RARRES1: variants seen among roughly 807,000 people sequenced by gnomAD.
The protein encoded by RARRES1 is retinoic acid receptor responder 1, also known as retinoic acid receptor responder protein 1.
Under a neutral mutation model 30.6 loss-of-function variants are expected in RARRES1, and 34 were observed. The observed-to-expected ratio is 1.11, with a 90% CI of 0.84 to 1.48. The LOEUF (loss-of-function observed/expected upper bound fraction) is 1.48, where lower values mean the gene tolerates loss of function less well. Ranked by LOEUF, RARRES1 falls within the 40% of genes most tolerant of loss-of-function variation. RARRES1 has a pLI of 0.00. For synonymous variants in RARRES1, 153 were observed against 155.5 expected (o/e 0.98, Z 0.12); for missense variants, 373 against 386.5 (o/e 0.97, Z 0.29).
intron 1 of RARRES1, 126 bp downstream of exon 1, chr3:158,732,014 C>T: frequency 1.0e-6 from 1 of 996,250 alleles, no homozygotes; most frequent in Non-Finnish European, 1.3e-6. Flanking sequence ...CCCCGGGCGT[C>T]GTGCGCACTG....
At position 158,732,220 on chromosome 3, in the gene RARRES1, CCG is replaced by C. The variant is rs1436048733; in HGVS notation, c.194_195del (p.Ala65GlyfsTer29). The C allele has an allele frequency of 7.1e-7, 1 of 1,405,530 alleles. No homozygotes were observed. The highest frequency in any genetic ancestry group is 9.2e-7 in the Non-Finnish European group (1 of 1,086,640). 87.1% of individuals were successfully genotyped at this position (1,405,530 alleles called of 1,614,324 possible). On this transcript the variant is annotated frameshift_variant, in exon 1 of 6. Coordinates refer to ENST00000237696, the MANE Select transcript of RARRES1 (RefSeq NM_206963.2). LOFTEE classifies it high-confidence loss of function. ...GACCGGAAGTTGAAGAAGTGAAGCG[CCG>C]CGCGCGCCGCCTGCTGCAGGAGCCT... is the stretch of plus-strand genomic sequence containing the variant. ...PRRLLQQAAR[A>X]ALHFFNFRSG...
At chr3:158,701,805 T>G (rs1726730923) in intron 4 of RARRES1, among the ~76,000 whole-genome samples, 1 of 152,208 alleles carries the variant, frequency 6.6e-6, no homozygotes, top group Non-Finnish European at 1.5e-5. Flanking sequence ...CGTGTCAGCC[T>G]TGAAACCAAA....
chr3:158,707,525 G>A (rs1726965523), intron 3 of RARRES1, among the ~76,000 whole-genome samples: 1 of 152,148 alleles, frequency 6.6e-6, no homozygotes, highest in Non-Finnish European at 1.5e-5. Flanking sequence ...AGGAGTCTTA[G>A]AATTAAAGAG....
chr3:158,722,025 A>G (rs552570295), intron 1 of RARRES1, among the ~76,000 whole-genome samples: 15 of 132,398 alleles, frequency 1.1e-4, no homozygotes, highest in Admixed American at 2.7e-4. Flanking sequence ...CAGGAGGTGG[A>G]GTTTGCGGGT....
In RARRES1 at chr3:158,703,261, C is replaced by T. The variant is rs914952819; in HGVS notation, c.672+1530G>A. Among the ~76,000 whole-genome samples, 10 of 152,116 alleles carry T rather than the reference C, an allele frequency of 6.6e-5. No homozygotes were observed. In the East Asian group the frequency reaches 1.5e-3, roughly 23 times the overall value. Reference sequence around the variant, plus strand: ...CTGCTTTCCCTCTATGTGAACTCTCCGTGTTTCTAATATCATCTGGATTAA... The same window carrying T: ...CTGCTTTCCCTCTATGTGAACTCTCTGTGTTTCTAATATCATCTGGATTAA... On this transcript the variant is annotated intron_variant, in intron 4 of 5. Transcript: ENST00000237696.
At chr3:158,714,547 C>T (rs1727256374) in intron 1 of RARRES1, among the ~76,000 whole-genome samples, 4 of 152,192 alleles carry the variant, frequency 2.6e-5, no homozygotes, top group South Asian at 4.1e-4. Flanking sequence ...ATGCTATGCT[C>T]TTTCTTTCGT....
In RARRES1 at chr3:158,732,195, G is replaced by C; in HGVS notation, c.221C>G (p.Ser74Cys). The C allele has an allele frequency of 1.4e-6, 2 of 1,422,728 alleles. No individual in the cohort carries two copies. Among genetic ancestry groups the C allele is most frequent in the East Asian group, 3.0e-5 (1 of 32,932 alleles). 88.1% of individuals were successfully genotyped at this position (1,422,728 alleles called of 1,614,324 possible). A position where few individuals can be genotyped will look rare whatever the true frequency, so the allele number is the denominator to read the frequency against. ...RAALHFFNFRSGSPSALRVLA... is the reference protein window; with the variant it reads ...RAALHFFNFRCGSPSALRVLA... Reference sequence around the variant, plus strand: ...CACTCGTAGCGCGCTGGGCGAGCCGGACCGGAAGTTGAAGAAGTGAAGCGC... The same window carrying C: ...CACTCGTAGCGCGCTGGGCGAGCCGCACCGGAAGTTGAAGAAGTGAAGCGC... Residue 74 changes from serine (S) to cysteine (C), a missense_variant, in exon 1 of 6, where the codon TCC becomes TGC. By Grantham distance (112) the Ser-to-Cys change is moderately radical (BLOSUM62 -1). Transcript: ENST00000237696.
At chr3:158,724,085 G>A (rs764838840) in intron 1 of RARRES1, among the ~76,000 whole-genome samples, 5 of 152,160 alleles carry the variant, frequency 3.3e-5, no homozygotes, top group Non-Finnish European at 7.3e-5. Flanking sequence ...GCCTATGGTC[G>A]AGTACTGAGC....
chr3:158,722,881 CAAAA>C (rs140630533), intron 1 of RARRES1, among the ~76,000 whole-genome samples: 1 of 110,130 alleles, frequency 9.1e-6, no homozygotes, highest in Non-Finnish European at 1.8e-5. Flanking sequence ...GACTCCATCT[CAAAA>C]AAAAAAAAAA....
At chr3:158,712,028 A>G (rs1727152289) in intron 2 of RARRES1, among the ~76,000 whole-genome samples, 1 of 152,200 alleles carries the variant, frequency 6.6e-6, no homozygotes, top group Non-Finnish European at 1.5e-5. Flanking sequence ...CCCCCTTTTA[A>G]GGAATTCCCC....
intron 1 of RARRES1, among the ~76,000 whole-genome samples, chr3:158,725,511 G>A (rs917056757): frequency 6.6e-6 from 1 of 152,120 alleles, no homozygotes; most frequent in Non-Finnish European, 1.5e-5. Context: ...GCAGTTAACA[G>A]TCATGACCCA....
intron 1 of RARRES1, among the ~76,000 whole-genome samples, chr3:158,720,274 G>GTGTGTGT (rs1559873770): frequency 1.7e-4 from 21 of 126,486 alleles, no homozygotes; most frequent in African/African-American, 5.8e-4. Context: ...GTATGTGTGT[G>GTGTGTGT]AGAGAGAGAG....
At chr3:158,720,264 G>GTGTA (rs1229674124) in intron 1 of RARRES1, among the ~76,000 whole-genome samples, 2 of 78,926 alleles carry the variant, frequency 2.5e-5, no homozygotes, top group Non-Finnish European at 5.5e-5. Context: ...GTGTGTGTGT[G>GTGTA]TATGTGTGTG....
chr3:158,715,950 ACACT>A (rs1210042173), intron 1 of RARRES1, among the ~76,000 whole-genome samples: 1 of 152,094 alleles, frequency 6.6e-6, no homozygotes, highest in Non-Finnish European at 1.5e-5. Context: ...CAAACAACTA[ACACT>A]CAGAAGGCGA....
intron 3 of RARRES1, among the ~76,000 whole-genome samples, chr3:158,707,307 G>C (rs1487753625): frequency 1.3e-5 from 2 of 152,134 alleles, no homozygotes; most frequent in African/African-American, 4.8e-5. Context: ...TTGAGGCAAT[G>C]TGTATAGAAT....
intron 1 of RARRES1, among the ~76,000 whole-genome samples, chr3:158,720,046 A>G (rs948028252): frequency 6.6e-6 from 1 of 152,192 alleles, no homozygotes; most frequent in Non-Finnish European, 1.5e-5. Context: ...TATGATTGTT[A>G]TCACCATTTT....
At chr3:158,720,502 G>A (rs185068078) in intron 1 of RARRES1, among the ~76,000 whole-genome samples, 58 of 147,674 alleles carry the variant, frequency 3.9e-4, no homozygotes, top group African/African-American at 1.5e-3. Context: ...CCAATCTAAA[G>A]GTGTCAGCAG....
intron 4 of RARRES1, among the ~76,000 whole-genome samples, chr3:158,704,209 A>AC (rs1491052722): frequency 1.7e-5 from 2 of 115,938 alleles, no homozygotes; most frequent in East Asian, 5.7e-4. Context: ...ATATTGCAAT[A>AC]CTTTTTTTTT....
intron 4 of RARRES1, 96 bp from the exon 5 acceptor site, chr3:158,698,066 T>C: frequency 2.4e-6 from 2 of 845,474 alleles, no homozygotes; most frequent in Admixed American, 3.0e-5. Context: ...GCCTTGTGTC[T>C]CCTACTGCCT....
Sources: gnomAD v4.1 joint callset for allele counts (sites outside exome capture counted in the v4.1 genomes callset) on GRCh38, gnomAD v4.1.1 for gene constraint, MANE v1.5 for transcripts, NCBI Gene and HGNC (gene_info 2026-07-23, HGNC 2026-07-21) for gene names.